SAMSN1: variants seen among roughly 807,000 people sequenced by gnomAD.
SAMSN1 encodes the protein SAM domain-containing protein SAMSN-1.
SAMSN1 carries 31 observed loss-of-function variants against 42.0 expected under a neutral mutation model. The ratio of observed to expected loss-of-function variants is 0.74; its 90% CI spans 0.55 to 1.00. The LOEUF (loss-of-function observed/expected upper bound fraction) is 1.00, where lower values mean the gene tolerates loss of function less well. Ranked by LOEUF, SAMSN1 falls within the 50% of genes least tolerant of loss-of-function variation. The pLI, the probability that SAMSN1 is intolerant of heterozygous loss-of-function variation, is 0.00. For missense variants in SAMSN1, 464 were observed against 439.4 expected, an observed-to-expected ratio of 1.06 and a Z score of -0.50; for synonymous variants, 178 against 151.9, an observed-to-expected ratio of 1.17 and a Z score of -1.26.
chr21:14,546,345 C>A, upstream of SAMSN1: 1 of 1,580,118 alleles, frequency 6.3e-7, no homozygotes. Flanking sequence ...CTGTCTAATG[C>A]ACAGCATCAG....
At position 14,546,127 on chromosome 21, in the gene SAMSN1, A is replaced by C. The variant is rs1022690125; in HGVS notation, c.57+78T>G. 14 of 1,231,426 alleles carry C rather than the reference A, an allele frequency of 1.1e-5. No homozygotes were observed. The Admixed American group carries it at 2.6e-4, about 22-fold the overall frequency. The allele number at this position is 1,231,426 out of a possible 1,614,324, so 76.3% of individuals were successfully genotyped here. A position where few individuals can be genotyped will look rare whatever the true frequency, so the allele number is the denominator to read the frequency against. Reference sequence around the variant, plus strand: ...TATGACTGACAGATGAGAACATTGTATGTGTTCAAACACACATATGTGTTT... The same window carrying C: ...TATGACTGACAGATGAGAACATTGTCTGTGTTCAAACACACATATGTGTTT... On this transcript the variant is annotated intron_variant, in intron 1 of 7. Transcript: ENST00000400566.
chr21:14,556,690 T>C (rs1287234333), intron 2 of SAMSN1, among the ~76,000 whole-genome samples: 2 of 152,212 alleles, frequency 1.3e-5, no homozygotes, highest in Non-Finnish European at 2.9e-5. Context: ...CAGTGAGGCA[T>C]GCTGCCTCGG....
chr21:14,574,956 A>G (rs1478943228), intron 2 of SAMSN1, among the ~76,000 whole-genome samples: 1 of 152,090 alleles, frequency 6.6e-6, no homozygotes, highest in Non-Finnish European at 1.5e-5. Context: ...GGTACTACAA[A>G]GTGTTTGCCA....
Position 14,485,320 on chromosome 21 carries a change from T to C in SAMSN1, c.*592A>G, listed in dbSNP as rs1328925676. On this transcript the variant is annotated 3_prime_UTR_variant, in exon 8 of 8. Transcript: ENST00000400566. Reference sequence around the variant, plus strand: ...TAAAGACAAAACATTTCCACAATTATTACAATTGGTTTCACTAAATCAGAA... The same window carrying C: ...TAAAGACAAAACATTTCCACAATTACTACAATTGGTTTCACTAAATCAGAA... The C allele has an allele frequency of 2.6e-5, 4 of 152,260 alleles. No homozygotes were observed. The highest frequency in any genetic ancestry group is 4.8e-5 in the African/African-American group (2 of 41,462). The allele number at this position is 152,260 out of a possible 1,614,324, so 9.4% of individuals were successfully genotyped here. A position where few individuals can be genotyped will look rare whatever the true frequency, so the allele number is the denominator to read the frequency against.
chr21:14,516,388 T>C (rs993500777), intron 3 of SAMSN1, among the ~76,000 whole-genome samples: 6 of 152,002 alleles, frequency 3.9e-5, no homozygotes, highest in Non-Finnish European at 7.3e-5. Flanking sequence ...AGATGCATGA[T>C]CTTTTTTTTT....
At chr21:14,515,916 G>A (rs1337707334) in intron 3 of SAMSN1, among the ~76,000 whole-genome samples, 1 of 152,120 alleles carries the variant, frequency 6.6e-6, no homozygotes, top group Admixed American at 6.5e-5. Context: ...AGTCATCAGG[G>A]AAACGTAAAG....
chr21:14,540,290 A>C (rs1568797936), intron 1 of SAMSN1, among the ~76,000 whole-genome samples: 1 of 152,238 alleles, frequency 6.6e-6, no homozygotes, highest in Non-Finnish European at 1.5e-5. Context: ...AAATTGACAA[A>C]TGGGATCTAA....
chr21:14,568,308 T>C (rs995698785), intron 2 of SAMSN1, among the ~76,000 whole-genome samples: 1 of 152,212 alleles, frequency 6.6e-6, no homozygotes, highest in Non-Finnish European at 1.5e-5. Context: ...AATAGAACTA[T>C]ATCAACCTTT....
chr21:14,583,591 G>A (rs1981825087), upstream of SAMSN1: 8 of 693,194 alleles, frequency 1.2e-5, no homozygotes, highest in Non-Finnish European at 1.9e-5. Context: ...CTTCATTAAC[G>A]TATGCTTCCT....
At chr21:14,514,948 T>A (rs1367778668) in intron 3 of SAMSN1, among the ~76,000 whole-genome samples, 1 of 151,784 alleles carries the variant, frequency 6.6e-6, no homozygotes, top group African/African-American at 2.4e-5. Context: ...AAGGGGAGAA[T>A]GTAGATTCAA....
In SAMSN1 at chr21:14,500,591, G is replaced by A. The variant is rs1028575264; in HGVS notation, c.706C>T (p.Arg236Ter). 5.6e-6 allele frequency: 9 copies of A among 1,613,856 alleles called. No homozygotes were observed. The highest frequency in any genetic ancestry group is 1.6e-4 in the Middle Eastern group (1 of 6,080). Residue 236 changes from arginine to a stop codon, truncating the protein, a stop_gained, in exon 6 of 8, where the codon CGA becomes TGA. Transcript: ENST00000400566. LOFTEE classifies it high-confidence loss of function. ...TTGGATTTTTTGCTGTTACTCCTTC[G>A]GTTTGCCTTTATTTTCTTGGGGGCT... is the stretch of plus-strand genomic sequence containing the variant. ...EAAPKKIKANRRSNSKKSKTL... is the reference protein window; with the variant it reads ...EAAPKKIKAN
chr21:14,489,284 A>G (rs1400741103), intron 7 of SAMSN1, among the ~76,000 whole-genome samples: 1 of 152,208 alleles, frequency 6.6e-6, no homozygotes, highest in Non-Finnish European at 1.5e-5. Flanking sequence ...TGGACTTCCC[A>G]TAGGATGTTT....
rs1387128810 is a variant in SAMSN1 at position 14,650,108 on chromosome 21, C to A, written c.25-6975G>T. Among the ~76,000 whole-genome samples, 5 of 152,054 alleles carry A rather than the reference C, an allele frequency of 3.3e-5. No individual in the cohort carries two copies. The South Asian group carries it at 8.3e-4, about 25-fold the overall frequency. On this transcript the variant is annotated intron_variant, in intron 1 of 15. Transcript: ENST00000647101. ...CAATAATAGCTAGAGACTTTAACAT[C>A]CCATTTTCAGCTTAGAAAAGATCTT...
At chr21:14,519,835 C>A (rs1006249565) in intron 2 of SAMSN1, among the ~76,000 whole-genome samples, 1 of 152,090 alleles carries the variant, frequency 6.6e-6, no homozygotes, top group South Asian at 2.1e-4. Flanking sequence ...TTAGTAGACA[C>A]CCCTTCTCTG....
rs201460166 is a variant in SAMSN1 at position 14,493,574 on chromosome 21, AACAC to A, written c.919+4864_919+4867del. Among the ~76,000 whole-genome samples, 764 of 102,278 alleles carry A rather than the reference AACAC, an allele frequency of 7.5e-3. 8 individuals are homozygous for A. Among genetic ancestry groups the A allele is most frequent in the East Asian group, 0.029 (79 of 2,704 alleles). 67.1% of individuals were successfully genotyped at this position (102,278 alleles called of 152,430 possible). On this transcript the variant is annotated intron_variant, in intron 7 of 7. Coordinates refer to ENST00000400566, the MANE Select transcript of SAMSN1 (RefSeq NM_022136.5). Reference sequence around the variant, plus strand: ...GCCTTGAAGATTGTGTTTATGGAACAACACACACACACACACACACACACACACA... The same window carrying A: ...GCCTTGAAGATTGTGTTTATGGAACAACACACACACACACACACACACACA...
chr21:14,508,933 T>C lies in SAMSN1; in HGVS notation c.561+1377A>G, dbSNP rs139157899. Among the ~76,000 whole-genome samples the C allele has an allele frequency of 3.8e-3, 571 of 151,894 alleles. 1 individual carries two copies. Among genetic ancestry groups the C allele is most frequent in the African/African-American group, 0.013 (547 of 41,450 alleles). ...TCACGAGGTCAAGAGATCGAGACCA[T>C]CCTGGCCAACATGCTGAAACCCCAT... On this transcript the variant is annotated intron_variant, in intron 5 of 7. Transcript: ENST00000400566.
At chr21:14,627,729 A>T (rs1322366220) in intron 2 of SAMSN1, among the ~76,000 whole-genome samples, 1 of 152,236 alleles carries the variant, frequency 6.6e-6, no homozygotes, top group Non-Finnish European at 1.5e-5. Flanking sequence ...TAAAATTTTT[A>T]ACAAATATGA....
intron 2 of SAMSN1, among the ~76,000 whole-genome samples, chr21:14,567,560 C>A (rs1236213686): frequency 6.6e-6 from 1 of 152,114 alleles, no homozygotes; most frequent in Admixed American, 6.6e-5. Flanking sequence ...ACAAAACTAC[C>A]TCTGGGGATT....
intron 1 of SAMSN1, among the ~76,000 whole-genome samples, chr21:14,652,381 A>G (rs1983850494): frequency 6.6e-6 from 1 of 152,074 alleles, no homozygotes; most frequent in Non-Finnish European, 1.5e-5. Context: ...TCAGTAACAA[A>G]TCAGCACACT....
Sources: allele counts gnomAD v4.1 joint callset (sites outside exome capture counted in the v4.1 genomes callset), GRCh38; gene constraint gnomAD v4.1.1; transcripts MANE v1.5; gene names NCBI Gene and HGNC (gene_info 2026-07-23, HGNC 2026-07-21).